Variants in CACNA2D3 observed in about 807,000 individuals in gnomAD.
The protein encoded by CACNA2D3 is calcium voltage-gated channel auxiliary subunit alpha2delta 3, also known as voltage-dependent calcium channel subunit alpha-2/delta-3.
Under a neutral mutation model 160.6 loss-of-function variants are expected in CACNA2D3, and 60 were observed. The observed-to-expected ratio is 0.37, with a 90% CI of 0.30 to 0.46. The LOEUF is 0.46. Ranked by LOEUF, CACNA2D3 falls within the 20% of genes least tolerant of loss-of-function variation. The pLI is 1.00. For missense variants in CACNA2D3, 1,205 were observed against 1,365.0 expected, an observed-to-expected ratio of 0.88 and a Z score of 1.85; for synonymous variants, 558 against 492.9, an observed-to-expected ratio of 1.13 and a Z score of -1.75.
intron 35 of CACNA2D3, among the ~76,000 whole-genome samples, chr3:55,037,367 G>A (rs1356049348): frequency 6.6e-6 from 1 of 152,142 alleles, no homozygotes; most frequent in Admixed American, 6.5e-5. Flanking sequence ...AAAATGAGTG[G>A]CAGTTAAAAT....
intron 4 of CACNA2D3, among the ~76,000 whole-genome samples, chr3:54,404,340 T>C (rs569172875): frequency 1.3e-5 from 2 of 152,118 alleles, no homozygotes; most frequent in African/African-American, 4.8e-5. Flanking sequence ...GACTAGCATA[T>C]ACAAATTAAT....
At chr3:54,162,461 G>T (rs1700364329) in intron 2 of CACNA2D3, among the ~76,000 whole-genome samples, 2 of 152,108 alleles carry the variant, frequency 1.3e-5, no homozygotes, top group South Asian at 4.1e-4. Context: ...GTCTAGGATG[G>T]TTTGGGCTTC....
At chr3:55,066,689 G>T (rs1424643063) in intron 35 of CACNA2D3, among the ~76,000 whole-genome samples, 11 of 152,138 alleles carry the variant, frequency 7.2e-5, no homozygotes, top group Admixed American at 5.2e-4. Context: ...GGGAAAGGGA[G>T]GACTGGATTA....
chr3:54,777,196 T>C (rs1002766671), intron 13 of CACNA2D3, among the ~76,000 whole-genome samples: 1 of 152,230 alleles, frequency 6.6e-6, no homozygotes, highest in Non-Finnish European at 1.5e-5. Flanking sequence ...AAATGTGTTA[T>C]CTATGAGGCC....
At chr3:54,455,891 C>G (rs955143757) in intron 4 of CACNA2D3, among the ~76,000 whole-genome samples, 1 of 151,966 alleles carries the variant, frequency 6.6e-6, no homozygotes, top group African/African-American at 2.4e-5. Flanking sequence ...CTCCATATAA[C>G]TGGATTTATT....
intron 9 of CACNA2D3, among the ~76,000 whole-genome samples, chr3:54,613,787 G>A (rs1054136840): frequency 6.6e-6 from 1 of 152,024 alleles, no homozygotes; most frequent in Non-Finnish European, 1.5e-5. Flanking sequence ...ACAATTATTT[G>A]TGTATGCTCT....
At chr3:54,708,379 A>T (rs1348222005) in intron 11 of CACNA2D3, among the ~76,000 whole-genome samples, 3 of 152,240 alleles carry the variant, frequency 2.0e-5, no homozygotes, top group Non-Finnish European at 2.9e-5. Flanking sequence ...TAAGGTTTAG[A>T]TTACTAGCTG....
At chr3:54,488,152 G>A (rs1189506030) in intron 4 of CACNA2D3, among the ~76,000 whole-genome samples, 2 of 151,880 alleles carry the variant, frequency 1.3e-5, no homozygotes, top group Non-Finnish European at 2.9e-5. Flanking sequence ...ATCTGGTTGA[G>A]TTAGAGAGGG....
At chr3:54,709,150 C>T (rs1043220429) in intron 11 of CACNA2D3, among the ~76,000 whole-genome samples, 10 of 151,744 alleles carry the variant, frequency 6.6e-5, no homozygotes, top group African/African-American at 2.4e-4. Context: ...ACTGGGACTA[C>T]AGGTGCACAC....
At chr3:54,958,597 CT>C (rs2107039056) in intron 27 of CACNA2D3, among the ~76,000 whole-genome samples, 1 of 152,286 alleles carries the variant, frequency 6.6e-6, no homozygotes, top group South Asian at 2.1e-4. Flanking sequence ...TAGTTATTAT[CT>C]TTCTGAGCAC....
chr3:54,805,838 A>C (rs558573469), intron 13 of CACNA2D3, among the ~76,000 whole-genome samples: 72 of 152,300 alleles, frequency 4.7e-4, no homozygotes, highest in South Asian at 4.6e-3. Context: ...GCAGCACATC[A>C]AAAAGCTTAT....
At chr3:54,418,952 C>T (rs529746713) in intron 4 of CACNA2D3, among the ~76,000 whole-genome samples, 24 of 152,312 alleles carry the variant, frequency 1.6e-4, no homozygotes, top group African/African-American at 5.3e-4. Flanking sequence ...CCAGGGACCA[C>T]GTCTGCTTTC....
At chr3:55,048,152 TGA>T (rs1168755393) in intron 35 of CACNA2D3, among the ~76,000 whole-genome samples, 1 of 98,826 alleles carries the variant, frequency 1.0e-5, no homozygotes, top group Non-Finnish European at 2.1e-5. Flanking sequence ...ATAGGAGTGG[TGA>T]GAGAGGGCAT....
intron 4 of CACNA2D3, among the ~76,000 whole-genome samples, chr3:54,420,269 G>A (rs1430493972): frequency 1.3e-5 from 2 of 152,022 alleles, no homozygotes; most frequent in Non-Finnish European, 2.9e-5. Context: ...ATTTTTAGTA[G>A]AGATGGGGTT....
At position 54,717,840 on chromosome 3, in the gene CACNA2D3, A is replaced by AGT. The variant is rs1160779539; in HGVS notation, c.1168-34749_1168-34748dup. Among the ~76,000 whole-genome samples the AGT allele has an allele frequency of 9.0e-5, 9 of 100,254 alleles. No individual in the cohort carries two copies. In the Admixed American group the frequency reaches 9.1e-4, roughly 10 times the overall value. 65.8% of individuals were successfully genotyped at this position (100,254 alleles called of 152,430 possible). The stretch of plus-strand genomic sequence containing the variant: ...TGCGTGTGTGTGGTGTGTGTGCGTG[A>AGT]GTGTGTGTGTGGTGTATGTGCGTGC... On this transcript the variant is annotated intron_variant, in intron 11 of 37. Coordinates refer to ENST00000474759, the MANE Select transcript of CACNA2D3 (RefSeq NM_018398.3).
chr3:54,869,576 C>A (rs940824824), intron 17 of CACNA2D3, among the ~76,000 whole-genome samples: 1 of 152,190 alleles, frequency 6.6e-6, no homozygotes, highest in East Asian at 1.9e-4. Flanking sequence ...CAAGAAATTA[C>A]GAAAGTTCTG....
intron 2 of CACNA2D3, among the ~76,000 whole-genome samples, chr3:54,308,524 T>A (rs1169534403): frequency 6.6e-6 from 1 of 152,176 alleles, no homozygotes. Context: ...TGAGTCACTA[T>A]GTGGAAGGCT....
At chr3:54,922,607 C>T (rs1700886175) in intron 27 of CACNA2D3, among the ~76,000 whole-genome samples, 1 of 152,120 alleles carries the variant, frequency 6.6e-6, no homozygotes, top group African/African-American at 2.4e-5. Flanking sequence ...GTTGTATTCA[C>T]CCTAACCTCA....
intron 3 of CACNA2D3, among the ~76,000 whole-genome samples, chr3:54,339,306 C>G (rs1055061355): frequency 3.9e-5 from 6 of 152,146 alleles, no homozygotes; most frequent in Non-Finnish European, 8.8e-5. Flanking sequence ...TTCAGGGTTC[C>G]TCTTGGATTC....
Sources: gnomAD v4.1 joint callset for allele counts (sites outside exome capture counted in the v4.1 genomes callset) on GRCh38, gnomAD v4.1.1 for gene constraint, MANE v1.5 for transcripts, NCBI Gene and HGNC (gene_info 2026-07-23, HGNC 2026-07-21) for gene names.